The following C10orf143 variants were observed in gnomAD, a reference collection of about 807,000 sequenced individuals.
The protein encoded by C10orf143 is uncharacterized protein C10orf143.
intron 1 of C10orf143, among the ~76,000 whole-genome samples, chr10:130,098,644 A>G (rs550067005): frequency 6.6e-6 from 1 of 152,332 alleles, no homozygotes; most frequent in South Asian, 2.1e-4. Flanking sequence ...TGGTAATTAA[A>G]GAACCAGAAG....
chr10:130,049,523 C>A lies in C10orf143; in HGVS notation c.298-13553G>T, dbSNP rs574378406. Among the ~76,000 whole-genome samples the A allele has an allele frequency of 4.3e-4, 66 of 152,302 alleles. 1 individual carries two copies. Among genetic ancestry groups the A allele is most frequent in the African/African-American group, 1.5e-3 (63 of 41,570 alleles). On this transcript the variant is annotated intron_variant and NMD_transcript_variant, in intron 3 of 5. Transcript: ENST00000643056. ...CCTGGAGGGGCCCTTGTTGAACCAGCCCCGGGAAGATGCTTGAGTACCCTT... is the reference window on the plus strand; with the variant it reads ...CCTGGAGGGGCCCTTGTTGAACCAGACCCGGGAAGATGCTTGAGTACCCTT...
chr10:130,087,376 C>T (rs1396109176), intron 1 of C10orf143, among the ~76,000 whole-genome samples: 1 of 152,144 alleles, frequency 6.6e-6, no homozygotes, highest in Admixed American at 6.5e-5. Flanking sequence ...TACACAAGGA[C>T]CCCATTACAT....
At chr10:130,105,305 A>G (rs754307048) in intron 1 of C10orf143, among the ~76,000 whole-genome samples, 5 of 152,256 alleles carry the variant, frequency 3.3e-5, no homozygotes, top group African/African-American at 4.8e-5. Flanking sequence ...CTCTGGAGCC[A>G]GATGGCTTGG....
intron 1 of C10orf143, among the ~76,000 whole-genome samples, chr10:130,093,188 C>T (rs1171739): frequency 0.63 from 95,773 of 152,020 alleles, 30,503 homozygotes; most frequent in Admixed American, 0.72. Flanking sequence ...CCTCAGCAAA[C>T]GCAAAAGAAC....
intron 1 of C10orf143, among the ~76,000 whole-genome samples, chr10:130,091,060 C>T (rs531792012): frequency 1.3e-5 from 2 of 152,280 alleles, no homozygotes; most frequent in African/African-American, 2.4e-5. Context: ...GCACAGCACT[C>T]AAGCTCTGCT....
chr10:130,062,008 C>G (rs1311906753), downstream of C10orf143, among the ~76,000 whole-genome samples: 1 of 152,108 alleles, frequency 6.6e-6, no homozygotes, highest in African/African-American at 2.4e-5. Flanking sequence ...AGGGCGGCTG[C>G]CAGGGGACAA....
At chr10:130,061,302 A>AT (rs1281638524), downstream of C10orf143, among the ~76,000 whole-genome samples, 1 of 152,150 alleles carries the variant, frequency 6.6e-6, no homozygotes, top group Admixed American at 6.5e-5. Context: ...ATAATTAAAA[A>AT]TTTTTTTCTT....
intron 1 of C10orf143, chr10:130,106,332 T>G: frequency 1.3e-6 from 2 of 1,598,954 alleles, no homozygotes; most frequent in Non-Finnish European, 1.7e-6. Context: ...CTTGAAAAAT[T>G]TAGCCTTGTT....
At chr10:130,107,460 T>A (rs1291048510) in intron 1 of C10orf143, 1 of 1,407,932 alleles carries the variant, frequency 7.1e-7, no homozygotes. Flanking sequence ...GAAAGAAACC[T>A]CAATGATTTA....
intron 3 of C10orf143, among the ~76,000 whole-genome samples, chr10:130,040,160 T>G (rs1171720): frequency 0.58 from 88,175 of 151,894 alleles, 26,112 homozygotes; most frequent in Middle Eastern, 0.65. Flanking sequence ...GTGCTGGGAA[T>G]TTCAGCAGCC....
Position 130,056,278 on chromosome 10 carries a change from G to A in C10orf143, c.298-20308C>T, listed in dbSNP as rs766818673. ...TTTGGGATCCTGCCCAGAGGGAAGC[G>A]CTGCCCCTCATGGCTCCAAGCTCCA... On this transcript the variant is annotated intron_variant and NMD_transcript_variant, in intron 3 of 5. Transcript: ENST00000643056. This position sits in a 1 kb window ranked among gnomAD's most constrained non-coding sequence, Gnocchi z 4.6. Among the ~76,000 whole-genome samples the A allele has an allele frequency of 2.6e-5, 4 of 152,146 alleles. No homozygotes were observed. The highest frequency in any genetic ancestry group is 3.9e-4 in the East Asian group (2 of 5,182).
At chr10:130,064,699 T>A (rs188219042) in intron 3 of C10orf143, among the ~76,000 whole-genome samples, 19 of 152,282 alleles carry the variant, frequency 1.2e-4, no homozygotes, top group Non-Finnish European at 1.9e-4. Flanking sequence ...AATAAATTTT[T>A]AAAAAAATGT....
chr10:130,108,690 C>A (rs1861707421), intron 1 of C10orf143, among the ~76,000 whole-genome samples: 1 of 152,144 alleles, frequency 6.6e-6, no homozygotes, highest in South Asian at 2.1e-4. Context: ...ATAGAAACAA[C>A]AGTGGGAGTT....
chr10:130,044,949 G>A (rs1370573425), intron 3 of C10orf143, among the ~76,000 whole-genome samples: 1 of 152,172 alleles, frequency 6.6e-6, no homozygotes, highest in East Asian at 1.9e-4. Context: ...GAAGACCTAG[G>A]CTGGAGCTCA....
chr10:130,070,407 G>T (rs1244028463), intron 3 of C10orf143, among the ~76,000 whole-genome samples: 4 of 152,100 alleles, frequency 2.6e-5, no homozygotes, highest in African/African-American at 9.7e-5. Flanking sequence ...AGCTCTTCTG[G>T]CATCTATTGC....
At chr10:130,083,769 T>C (rs958332068) in intron 1 of C10orf143, among the ~76,000 whole-genome samples, 8 of 152,116 alleles carry the variant, frequency 5.3e-5, no homozygotes, top group East Asian at 1.9e-4. Flanking sequence ...ACTGCTTTCC[T>C]ACAGAGAGTG....
rs555704412 is a variant in C10orf143 at position 130,110,819 on chromosome 10, C to T, written c.-47G>A. ...CCCGGCATCTCAGGCCTGGCCGAGG[C>T]CCGCGCACCACGCCCCCTTCCGCAC... On this transcript the variant is annotated 5_prime_UTR_variant, in exon 1 of 4. Coordinates refer to ENST00000637128, the MANE Select transcript of C10orf143 (RefSeq NM_001355042.2). 2 of 398,860 alleles carry T rather than the reference C, an allele frequency of 5.0e-6. No individual in the cohort carries two copies. Among genetic ancestry groups the T allele is most frequent in the East Asian group, 7.1e-5 (2 of 28,072 alleles). 24.7% of individuals were successfully genotyped at this position (398,860 alleles called of 1,614,324 possible).
intron 1 of C10orf143, among the ~76,000 whole-genome samples, chr10:130,090,139 A>T (rs1861356985): frequency 6.6e-6 from 1 of 152,200 alleles, no homozygotes; most frequent in Admixed American, 6.5e-5. Flanking sequence ...GCCAAATAGG[A>T]ACAGCTCCAG....
At chr10:130,037,813 T>C (rs1249182009) in intron 3 of C10orf143, among the ~76,000 whole-genome samples, 1 of 151,960 alleles carries the variant, frequency 6.6e-6, no homozygotes, top group Non-Finnish European at 1.5e-5. Flanking sequence ...TTCTGGGGGG[T>C]CCGGATCTTC....
Sources: gnomAD v4.1 joint callset for allele counts (sites outside exome capture counted in the v4.1 genomes callset) on GRCh38, gnomAD v4.1.1 for gene constraint, Gnocchi (gnomAD v3.1) non-coding constraint, MANE v1.5 for transcripts, NCBI Gene and HGNC (gene_info 2026-07-23, HGNC 2026-07-21) for gene names.